The following HHAT variants were observed in gnomAD, a reference collection of about 807,000 sequenced individuals.
The protein encoded by HHAT is hedgehog acyltransferase.
A neutral mutation model predicts 70.8 loss-of-function variants in HHAT; 47 were observed. The ratio of observed to expected loss-of-function variants is 0.66; its 90% CI spans 0.53 to 0.85. The LOEUF is 0.85. Ranked by LOEUF, HHAT falls within the 40% of genes least tolerant of loss-of-function variation. HHAT has a pLI of 0.00. For synonymous variants in HHAT, 228 were observed against 247.6 expected, an observed-to-expected ratio of 0.92 and a Z score of 0.74; for missense variants, 609 against 604.8, an observed-to-expected ratio of 1.01 and a Z score of -0.07.
intron 8 of HHAT, among the ~76,000 whole-genome samples, chr1:210,504,652 C>G (rs898680289): frequency 6.6e-6 from 1 of 152,108 alleles, no homozygotes; most frequent in Non-Finnish European, 1.5e-5. Context: ...TTTCCCAGAC[C>G]CTCCTTCCTG....
intron 1 of HHAT, among the ~76,000 whole-genome samples, chr1:210,347,395 G>C (rs1454580815): frequency 6.6e-6 from 1 of 152,198 alleles, no homozygotes. Flanking sequence ...GAATTCTGGG[G>C]TTTGGCATGA....
Position 210,337,169 on chromosome 1 carries a change from A to T in HHAT, c.-44+8065A>T, listed in dbSNP as rs2085578011. Among the ~76,000 whole-genome samples the T allele has an allele frequency of 2.0e-5, 3 of 152,324 alleles. No homozygotes were observed. In the South Asian group the frequency reaches 6.2e-4, roughly 32 times the overall value. ...GAAAAGCTAAGGGAGTATTAAGTAG[A>T]AATTTTTGTTTTCAGATTTAATTTT... On this transcript the variant is annotated intron_variant, in intron 1 of 11. Coordinates refer to ENST00000261458, the MANE Select transcript of HHAT (RefSeq NM_018194.6).
chr1:210,614,548 C>T (rs1667274969), intron 10 of HHAT, among the ~76,000 whole-genome samples: 1 of 152,166 alleles, frequency 6.6e-6, no homozygotes, highest in Non-Finnish European at 1.5e-5. Context: ...TCTCCTAATG[C>T]TATCCCTCTC....
chr1:210,361,000 T>C (rs1388947413), intron 2 of HHAT, among the ~76,000 whole-genome samples: 1 of 152,094 alleles, frequency 6.6e-6, no homozygotes, highest in Non-Finnish European at 1.5e-5. Context: ...GAGGGAGATA[T>C]GTTCCAGCCT....
At chr1:210,351,156 G>T (rs907863793) in intron 2 of HHAT, among the ~76,000 whole-genome samples, 1 of 152,212 alleles carries the variant, frequency 6.6e-6, no homozygotes, top group African/African-American at 2.4e-5. Flanking sequence ...GAGAACTGGA[G>T]TAGCCTATGA....
At chr1:210,657,373 G>C (rs894351247) in intron 11 of HHAT, among the ~76,000 whole-genome samples, 4 of 152,218 alleles carry the variant, frequency 2.6e-5, no homozygotes, top group African/African-American at 9.6e-5. Context: ...TCAGTGTGTT[G>C]ATGAGCAAAA....
At chr1:210,477,039 G>C (rs956231810) in intron 8 of HHAT, among the ~76,000 whole-genome samples, 1 of 152,150 alleles carries the variant, frequency 6.6e-6, no homozygotes, top group African/African-American at 2.4e-5. Context: ...TGGATCACAG[G>C]GACCAGGACC....
chr1:210,541,173 CAATATATTTTTAT>C (rs201828403), intron 9 of HHAT, among the ~76,000 whole-genome samples: 38,457 of 151,816 alleles, frequency 0.25, 5,177 homozygotes, highest in Middle Eastern at 0.34. Flanking sequence ...AAATATAAGA[CAATATATTTTTAT>C]TTTATATTAA....
intron 6 of HHAT, among the ~76,000 whole-genome samples, chr1:210,414,601 C>G (rs2092662864): frequency 6.6e-6 from 1 of 152,100 alleles, no homozygotes; most frequent in African/African-American, 2.4e-5. Context: ...AGTTCTGATG[C>G]CAGGCATTTG....
chr1:210,414,639 TC>T (rs2148257599), intron 6 of HHAT, among the ~76,000 whole-genome samples: 1 of 152,146 alleles, frequency 6.6e-6, no homozygotes, highest in Non-Finnish European at 1.5e-5. Context: ...AACAGAGGGG[TC>T]TTGAGTACAT....
At chr1:210,619,616 CA>C (rs762905230) in intron 10 of HHAT, among the ~76,000 whole-genome samples, 11 of 152,108 alleles carry the variant, frequency 7.2e-5, no homozygotes, top group Non-Finnish European at 1.5e-4. Flanking sequence ...ACCTTTTGGG[CA>C]GGACGGCTCC....
chr1:210,386,230 C>CTTTT lies in HHAT; in HGVS notation c.160-1215_160-1212dup, dbSNP rs869305965. On this transcript the variant is annotated intron_variant, in intron 3 of 11. Transcript: ENST00000261458. ...ATTGCAGGAGTCCTTTTCTTTTTTT[C>CTTTT]TTTTTTTTTTTTTTTTTTTTTTTTT... is the stretch of plus-strand genomic sequence containing the variant. Among the ~76,000 whole-genome samples, 91 of 69,920 alleles carry CTTTT rather than the reference C, an allele frequency of 1.3e-3. 10 individuals are homozygous for CTTTT. The highest frequency in any genetic ancestry group is 3.8e-3 in the African/African-American group (61 of 16,044). 45.9% of individuals were successfully genotyped at this position (69,920 alleles called of 152,430 possible). A position where few individuals can be genotyped will look rare whatever the true frequency, so the allele number is the denominator to read the frequency against.
intron 9 of HHAT, among the ~76,000 whole-genome samples, chr1:210,570,282 C>G (rs1180869203): frequency 6.6e-6 from 1 of 152,142 alleles, no homozygotes; most frequent in Non-Finnish European, 1.5e-5. Flanking sequence ...CGGTCCTTTG[C>G]CAAGTCCCAT....
At chr1:210,465,847 G>A (rs1421541082) in intron 8 of HHAT, among the ~76,000 whole-genome samples, 1 of 152,190 alleles carries the variant, frequency 6.6e-6, no homozygotes, top group Non-Finnish European at 1.5e-5. Flanking sequence ...ATTTCATATG[G>A]TTATTGCAAG....
At chr1:210,455,242 G>T (rs1052532337) in intron 7 of HHAT, among the ~76,000 whole-genome samples, 1 of 152,168 alleles carries the variant, frequency 6.6e-6, no homozygotes, top group Non-Finnish European at 1.5e-5. Context: ...GCAGAAAAAG[G>T]TATCTCTCAT....
intron 9 of HHAT, among the ~76,000 whole-genome samples, chr1:210,569,323 G>C (rs1395757625): frequency 7.7e-6 from 1 of 130,164 alleles, no homozygotes; most frequent in South Asian, 2.6e-4. Context: ...GCAGTAAGCC[G>C]AGATTGTGCC....
At chr1:210,560,924 G>A (rs567397060) in intron 9 of HHAT, among the ~76,000 whole-genome samples, 54 of 143,990 alleles carry the variant, frequency 3.8e-4, no homozygotes, top group East Asian at 1.5e-3. Context: ...ATTAAGAAAT[G>A]TCAAGTCCTG....
At chr1:210,465,603 GT>G (rs2094084030) in intron 8 of HHAT, among the ~76,000 whole-genome samples, 1 of 152,188 alleles carries the variant, frequency 6.6e-6, no homozygotes, top group South Asian at 2.1e-4. Context: ...CCCCCCAGTA[GT>G]TGGGATCACA....
chr1:210,614,348 A>T (rs1411919594), intron 10 of HHAT, among the ~76,000 whole-genome samples: 1 of 151,998 alleles, frequency 6.6e-6, no homozygotes, highest in East Asian at 1.9e-4. Context: ...GTGAACAGAA[A>T]TCATTTTACT....
Sources: gnomAD v4.1 joint callset for allele counts (sites outside exome capture counted in the v4.1 genomes callset) on GRCh38, gnomAD v4.1.1 for gene constraint, MANE v1.5 for transcripts, NCBI Gene and HGNC (gene_info 2026-07-23, HGNC 2026-07-21) for gene names.